The following GLIS3 variants were observed in gnomAD, a reference collection of about 807,000 sequenced individuals.
GLIS3 encodes zinc finger protein GLIS3.
Under a neutral mutation model 78.6 loss-of-function variants are expected in GLIS3, and 53 were observed. That is an observed-to-expected ratio of 0.67 (90% CI 0.54 to 0.85). The LOEUF (loss-of-function observed/expected upper bound fraction) is 0.85. Among genes scored for constraint, GLIS3 ranks in the 40% least tolerant of loss-of-function variants. The pLI is 0.00. For missense variants in GLIS3, 1,703 were observed against 1,231.1 expected (o/e 1.38, Z -5.74); for synonymous variants, 684 against 509.9 (o/e 1.34, Z -4.60).
At chr9:3,913,583 T>C (rs1824292903) in intron 6 of GLIS3, among the ~76,000 whole-genome samples, 1 of 152,242 alleles carries the variant, frequency 6.6e-6, no homozygotes, top group Admixed American at 6.5e-5. Flanking sequence ...CCCTTTTCTC[T>C]GGACTCTACG....
At chr9:3,958,163 A>G (rs910261844) in intron 4 of GLIS3, among the ~76,000 whole-genome samples, 1 of 152,162 alleles carries the variant, frequency 6.6e-6, no homozygotes, top group Non-Finnish European at 1.5e-5. Flanking sequence ...ATACACAACT[A>G]CCAAGCCCTT....
the GLIS3 span, among the ~76,000 whole-genome samples, chr9:4,420,259 C>T: frequency 1.3e-5 from 2 of 152,220 alleles, no homozygotes; most frequent in East Asian, 3.8e-4. Context: ...CTGAGTGCCA[C>T]ATTTGCAGAA....
At chr9:4,242,803 G>C (rs1183566667) in intron 2 of GLIS3, among the ~76,000 whole-genome samples, 2 of 151,834 alleles carry the variant, frequency 1.3e-5, no homozygotes, top group Non-Finnish European at 2.9e-5. Flanking sequence ...TTATATTATG[G>C]GCTGAAATAG....
chr9:4,486,223 A>G, the GLIS3 span, among the ~76,000 whole-genome samples: 1 of 152,148 alleles, frequency 6.6e-6, no homozygotes, highest in South Asian at 2.1e-4. Flanking sequence ...GTTGACATGG[A>G]GAAACCTCAA....
intron 4 of GLIS3, among the ~76,000 whole-genome samples, chr9:4,018,904 T>C (rs903973172): frequency 3.9e-5 from 6 of 152,190 alleles, no homozygotes; most frequent in African/African-American, 1.4e-4. Context: ...TGAATAATCT[T>C]TGAATGTGAC....
At chr9:3,939,127 C>A (rs587630) in intron 4 of GLIS3, among the ~76,000 whole-genome samples, 75,771 of 151,988 alleles carry the variant, frequency 0.5, 21,879 homozygotes, top group African/African-American at 0.81. Flanking sequence ...GGCCAGCTCC[C>A]GGGGCACATA....
chr9:4,437,019 G>A, the GLIS3 span, among the ~76,000 whole-genome samples: 1 of 152,062 alleles, frequency 6.6e-6, no homozygotes, highest in South Asian at 2.1e-4. Context: ...TAGAGAGAAG[G>A]TATCTTGAGC....
At chr9:4,259,263 T>TTATTTATTTATTTATG in intron 2 of GLIS3, among the ~76,000 whole-genome samples, 1 of 151,934 alleles carries the variant, frequency 6.6e-6, no homozygotes, top group African/African-American at 2.4e-5. Flanking sequence ...ATTTATTTAT[T>TTATTTATTTATTTATG]TATTTATTTA....
At chr9:4,187,813 A>G (rs1282247727) in intron 2 of GLIS3, among the ~76,000 whole-genome samples, 1 of 152,118 alleles carries the variant, frequency 6.6e-6, no homozygotes, top group Non-Finnish European at 1.5e-5. Context: ...TTATTGGTGT[A>G]TAAGAATGCT....
At chr9:4,026,619 C>CAA (rs1823370009) in intron 4 of GLIS3, among the ~76,000 whole-genome samples, 1 of 152,082 alleles carries the variant, frequency 6.6e-6, no homozygotes, top group Non-Finnish European at 1.5e-5. Flanking sequence ...TAAAGTAATT[C>CAA]AATAAAACAC....
chr9:4,459,724 A>G, the GLIS3 span, among the ~76,000 whole-genome samples: 1 of 152,192 alleles, frequency 6.6e-6, no homozygotes, highest in African/African-American at 2.4e-5. Context: ...CAGGAGGTCA[A>G]GTGAGCCACT....
intron 4 of GLIS3, among the ~76,000 whole-genome samples, chr9:4,021,729 G>C (rs975227860): frequency 6.6e-6 from 1 of 152,152 alleles, no homozygotes; most frequent in African/African-American, 2.4e-5. Flanking sequence ...CTAGCTCTAA[G>C]AAGTATCCAG....
Position 4,216,467 on chromosome 9 carries a change from G to A in GLIS3, c.388+69571C>T, listed in dbSNP as rs1470355744. Among the ~76,000 whole-genome samples the A allele has an allele frequency of 5.8e-5, 8 of 138,342 alleles. No homozygotes were observed. The South Asian group carries it at 6.8e-4, about 12-fold the overall frequency. The allele number at this position is 138,342 out of a possible 152,430, so 90.8% of individuals were successfully genotyped here. A position where few individuals can be genotyped will look rare whatever the true frequency, so the allele number is the denominator to read the frequency against. ...TGCACTGCAGCCTGGGTGACAGAGC[G>A]AGACTCTGTCTCAAAAAAAAAAAAA... On this transcript the variant is annotated intron_variant, in intron 2 of 10. Coordinates refer to ENST00000381971, the MANE Select transcript of GLIS3 (RefSeq NM_001042413.2).
intron 4 of GLIS3, among the ~76,000 whole-genome samples, chr9:4,052,570 G>A (rs983303608): frequency 5.3e-5 from 8 of 152,160 alleles, no homozygotes; most frequent in African/African-American, 1.9e-4. Flanking sequence ...ACATGTCGTA[G>A]AAACTGAATG....
chr9:4,399,604 G>A, the GLIS3 span, among the ~76,000 whole-genome samples: 5 of 152,064 alleles, frequency 3.3e-5, no homozygotes, highest in Non-Finnish European at 1.5e-5. Context: ...TTTGTTATTC[G>A]GTGCTCAGGA....
chr9:4,184,702 C>T (rs1399343652), intron 2 of GLIS3, among the ~76,000 whole-genome samples: 1 of 152,244 alleles, frequency 6.6e-6, no homozygotes, highest in Non-Finnish European at 1.5e-5. Context: ...GAGACTTAAA[C>T]AGCAGATTTC....
the GLIS3 span, among the ~76,000 whole-genome samples, chr9:4,452,435 G>T: frequency 6.6e-6 from 1 of 152,146 alleles, no homozygotes. Context: ...CACTGTCTCA[G>T]CCCCAAACCT....
chr9:4,125,553 A>G (rs1302917349), intron 3 of GLIS3, among the ~76,000 whole-genome samples, 181 bp downstream of exon 3: 1 of 152,126 alleles, frequency 6.6e-6, no homozygotes, highest in Non-Finnish European at 1.5e-5. Context: ...TTAAGATGAT[A>G]AGATGGCACA....
the GLIS3 span, among the ~76,000 whole-genome samples, chr9:4,361,215 C>G: frequency 6.6e-6 from 1 of 152,192 alleles, no homozygotes; most frequent in East Asian, 1.9e-4. Flanking sequence ...ACTGTTTTCT[C>G]TAGGCAGTCT....
Sources: allele counts gnomAD v4.1 joint callset (sites outside exome capture counted in the v4.1 genomes callset), GRCh38; gene constraint gnomAD v4.1.1; transcripts MANE v1.5; gene names NCBI Gene and HGNC (gene_info 2026-07-23, HGNC 2026-07-21).